ISM1: variants seen among roughly 807,000 people sequenced by gnomAD.
The protein encoded by ISM1 is isthmin-1.
In ISM1, 25 loss-of-function variants were observed where a neutral mutation model predicts 46.3. The observed-to-expected ratio is 0.54, with a 90% CI of 0.39 to 0.75. ISM1 has a LOEUF of 0.75. ISM1 is among the 30% of genes least tolerant of loss of function. The pLI is 0.00. For missense variants in ISM1, 536 were observed against 625.4 expected, an observed-to-expected ratio of 0.86 and a Z score of 1.52; for synonymous variants, 255 against 256.7, an observed-to-expected ratio of 0.99 and a Z score of 0.06.
intron 2 of ISM1, 144 bp from the exon 3 acceptor site, chr20:13,279,490 T>C (rs2040214714): frequency 1.3e-6 from 1 of 791,774 alleles, no homozygotes; most frequent in Admixed American, 2.9e-5. Context: ...GGTTTTCCAT[T>C]GTGTATCGCC....
At chr20:13,260,253 TG>T (rs756975540) in intron 1 of ISM1, among the ~76,000 whole-genome samples, 4 of 152,336 alleles carry the variant, frequency 2.6e-5, no homozygotes, top group Non-Finnish European at 4.4e-5. Flanking sequence ...CGGGGGGTCC[TG>T]TTAATAAATG....
intron 3 of ISM1, among the ~76,000 whole-genome samples, chr20:13,281,473 T>C (rs6041988): frequency 0.16 from 24,260 of 152,158 alleles, 4,009 homozygotes; most frequent in African/African-American, 0.41. Context: ...GTTTCACATA[T>C]ACTATTTCAT....
chr20:13,264,839 A>G (rs1056674319), intron 1 of ISM1, among the ~76,000 whole-genome samples: 2 of 152,176 alleles, frequency 1.3e-5, no homozygotes, highest in East Asian at 3.9e-4. Flanking sequence ...TTCTTGATTC[A>G]TCTCAGCAGA....
chr20:13,252,121 G>A (rs1204502069), intron 1 of ISM1, among the ~76,000 whole-genome samples: 1 of 152,108 alleles, frequency 6.6e-6, no homozygotes, highest in African/African-American at 2.4e-5. Flanking sequence ...CCCTGTCTAC[G>A]GAGCCTTAAG....
intron 1 of ISM1, among the ~76,000 whole-genome samples, chr20:13,258,091 G>A (rs2039947558): frequency 6.6e-6 from 1 of 152,230 alleles, no homozygotes; most frequent in South Asian, 2.1e-4. Context: ...TGGTATTATA[G>A]CTGCTATTTC....
the ISM1 span, among the ~76,000 whole-genome samples, chr20:13,323,337 C>A: frequency 6.6e-6 from 1 of 152,020 alleles, no homozygotes; most frequent in African/African-American, 2.4e-5. Context: ...ATGACTCAGG[C>A]GGAGCAAGGC....
intron 5 of ISM1, among the ~76,000 whole-genome samples, chr20:13,294,889 C>G (rs1192447580): frequency 6.6e-6 from 1 of 152,206 alleles, no homozygotes; most frequent in Non-Finnish European, 1.5e-5. Flanking sequence ...AAATACCTCA[C>G]TCAAGTCACA....
intron 2 of ISM1, among the ~76,000 whole-genome samples, chr20:13,274,275 T>C (rs1366646377): frequency 6.6e-6 from 1 of 152,072 alleles, no homozygotes. Flanking sequence ...TTTGTTGAAA[T>C]CCACTGGTTT....
chr20:13,287,549 A>G (rs898010510), intron 3 of ISM1, among the ~76,000 whole-genome samples: 1 of 152,118 alleles, frequency 6.6e-6, no homozygotes, highest in African/African-American at 2.4e-5. Flanking sequence ...TCCTTTTTGC[A>G]CACCACTCAT....
the ISM1 span, among the ~76,000 whole-genome samples, chr20:13,317,645 A>G: frequency 1.3e-5 from 2 of 152,134 alleles, no homozygotes; most frequent in African/African-American, 2.4e-5. Flanking sequence ...CTACACCAAT[A>G]GAGTCAGTTG....
intron 1 of ISM1, among the ~76,000 whole-genome samples, chr20:13,257,090 G>A (rs1037689439): frequency 6.6e-6 from 1 of 152,208 alleles, no homozygotes; most frequent in Non-Finnish European, 1.5e-5. Context: ...CCATTTTACT[G>A]GTGAGAAAGC....
intron 2 of ISM1, 30 bp downstream of exon 2, chr20:13,270,773 T>C: frequency 1.9e-6 from 3 of 1,600,706 alleles, no homozygotes; most frequent in Non-Finnish European, 2.6e-6. Context: ...AGATGGGAGA[T>C]AACAAAACAG....
chr20:13,268,963 G>A lies in ISM1; in HGVS notation c.139-1541G>A, dbSNP rs117718009. 7.9e-3 allele frequency among the ~76,000 whole-genome samples: 1,201 copies of A among 152,188 alleles called. 9 individuals are homozygous for A. The highest frequency in any genetic ancestry group is 0.024 in the South Asian group (115 of 4,806). On this transcript the variant is annotated intron_variant, in intron 1 of 5. Coordinates refer to ENST00000262487, the MANE Select transcript of ISM1 (RefSeq NM_080826.2). ...TAAAAATAATAATCCCTTCCCTAAG[G>A]TTAGCTCTCCAAGAAGATATGTATC...
the ISM1 span, among the ~76,000 whole-genome samples, chr20:13,319,313 C>A: frequency 5.3e-5 from 8 of 152,194 alleles, no homozygotes; most frequent in East Asian, 1.5e-3. Flanking sequence ...GAACTAGACA[C>A]TTATCTGGTC....
the ISM1 span, among the ~76,000 whole-genome samples, chr20:13,310,450 A>G: frequency 3.9e-5 from 6 of 151,944 alleles, no homozygotes; most frequent in Non-Finnish European, 7.4e-5. Flanking sequence ...ACTTAAATAT[A>G]AGACCTAAAA....
chr20:13,253,398 G>A (rs986260414), intron 1 of ISM1, among the ~76,000 whole-genome samples: 5 of 152,304 alleles, frequency 3.3e-5, no homozygotes, highest in South Asian at 2.1e-4. Context: ...GAGCTCATTC[G>A]CTGTTGATCT....
chr20:13,256,136 C>T (rs961792933), intron 1 of ISM1, among the ~76,000 whole-genome samples: 7 of 152,092 alleles, frequency 4.6e-5, no homozygotes, highest in African/African-American at 1.7e-4. Flanking sequence ...TGGCTCATGC[C>T]TGTTATCCCA....
chr20:13,324,577 G>T, the ISM1 span, among the ~76,000 whole-genome samples: 1 of 152,190 alleles, frequency 6.6e-6, no homozygotes, highest in South Asian at 2.1e-4. Flanking sequence ...CTTTAATTAT[G>T]CCTTAATCAT....
chr20:13,293,726 C>A (rs1208487037), intron 5 of ISM1, among the ~76,000 whole-genome samples: 1 of 152,164 alleles, frequency 6.6e-6, no homozygotes, highest in Non-Finnish European at 1.5e-5. Context: ...GTAATCCCAG[C>A]ACTTTGGGAG....
Sources: allele counts gnomAD v4.1 joint callset (sites outside exome capture counted in the v4.1 genomes callset), GRCh38; gene constraint gnomAD v4.1.1; transcripts MANE v1.5; gene names NCBI Gene and HGNC (gene_info 2026-07-23, HGNC 2026-07-21).